The following RBMS3 variants were observed in gnomAD, a reference collection of about 807,000 sequenced individuals.
The protein encoded by RBMS3 is RNA-binding motif, single-stranded-interacting protein 3.
In RBMS3, 27 loss-of-function variants were observed where a neutral mutation model predicts 66.8. That is an observed-to-expected ratio of 0.40 (90% CI 0.30 to 0.56). The LOEUF (loss-of-function observed/expected upper bound fraction) is 0.56. Among genes scored for constraint, RBMS3 ranks in the 20% least tolerant of loss-of-function variants. The pLI is 0.40. For synonymous variants in RBMS3, 188 were observed against 183.0 expected, an observed-to-expected ratio of 1.03 and a Z score of -0.22; for missense variants, 513 against 549.5, an observed-to-expected ratio of 0.93 and a Z score of 0.66.
At chr3:29,317,186 T>A (rs2034733452) in intron 1 of RBMS3, among the ~76,000 whole-genome samples, 1 of 151,758 alleles carries the variant, frequency 6.6e-6, no homozygotes, top group Non-Finnish European at 1.5e-5. Flanking sequence ...TTATTCTTGT[T>A]TAGGAAGCTT....
At chr3:29,438,028 T>TTCTCTCTCTCTCTCTC (rs34431369) in intron 2 of RBMS3, among the ~76,000 whole-genome samples, 1,629 of 142,478 alleles carry the variant, frequency 0.011, 30 homozygotes, top group African/African-American at 0.033. Context: ...CCTTGCTTGT[T>TTCTCTCTCTCTCTCTC]TCTCTCTCTC....
intron 6 of RBMS3, among the ~76,000 whole-genome samples, chr3:29,765,027 T>C (rs1259783941): frequency 6.6e-6 from 1 of 152,044 alleles, no homozygotes. Context: ...TCATCATCAG[T>C]GCTTGAATCT....
intron 7 of RBMS3, among the ~76,000 whole-genome samples, chr3:29,870,791 A>G (rs2059471860): frequency 6.6e-6 from 1 of 152,166 alleles, no homozygotes; most frequent in African/African-American, 2.4e-5. Context: ...TGATCTATGA[A>G]AATCAAGGGA....
chr3:29,349,302 T>C (rs2036767015), intron 1 of RBMS3, among the ~76,000 whole-genome samples: 1 of 152,190 alleles, frequency 6.6e-6, no homozygotes, highest in South Asian at 2.1e-4. Flanking sequence ...TCTATTCCTC[T>C]GTAACCCACA....
chr3:29,477,339 C>G (rs2042981026), intron 2 of RBMS3, among the ~76,000 whole-genome samples: 1 of 152,074 alleles, frequency 6.6e-6, no homozygotes, highest in Non-Finnish European at 1.5e-5. Flanking sequence ...TACTTGACTC[C>G]CATAGCCATC....
At chr3:29,888,623 A>T (rs2059928101) in intron 8 of RBMS3, among the ~76,000 whole-genome samples, 1 of 151,726 alleles carries the variant, frequency 6.6e-6, no homozygotes. Context: ...CTGTGGTTCT[A>T]GCTTACTAGG....
chr3:29,651,840 G>A (rs1052464020), intron 4 of RBMS3, among the ~76,000 whole-genome samples: 1 of 152,048 alleles, frequency 6.6e-6, no homozygotes, highest in African/African-American at 2.4e-5. Context: ...ATACATACAA[G>A]TTGTCATGCA....
chr3:29,899,386 A>C (rs2060199759), intron 9 of RBMS3, among the ~76,000 whole-genome samples: 1 of 151,650 alleles, frequency 6.6e-6, no homozygotes, highest in Admixed American at 6.6e-5. Flanking sequence ...CTGAAAGCTG[A>C]TCTTCAAATG....
At chr3:29,885,148 A>G (rs1414346724) in intron 8 of RBMS3, among the ~76,000 whole-genome samples, 2 of 151,868 alleles carry the variant, frequency 1.3e-5, no homozygotes, top group African/African-American at 2.4e-5. Context: ...TCCCAGGCAC[A>G]ATGCTATGTT....
intron 3 of RBMS3, among the ~76,000 whole-genome samples, chr3:29,562,253 A>G (rs1458107640): frequency 4.6e-5 from 7 of 152,196 alleles, no homozygotes. Flanking sequence ...GCATGAGCAA[A>G]CTGAAGAAAA....
At chr3:29,946,462 C>A (rs1468321303) in intron 12 of RBMS3, among the ~76,000 whole-genome samples, 1 of 151,622 alleles carries the variant, frequency 6.6e-6, no homozygotes, top group Non-Finnish European at 1.5e-5. Context: ...TGAACAACTT[C>A]TGAGTGGTAG....
At chr3:29,451,313 A>C (rs1398968809) in intron 2 of RBMS3, among the ~76,000 whole-genome samples, 2 of 152,212 alleles carry the variant, frequency 1.3e-5, no homozygotes, top group Non-Finnish European at 2.9e-5. Flanking sequence ...GAAAGGGTGT[A>C]GGTGATGGTG....
rs963370541 is a variant in RBMS3 at position 29,992,636 on chromosome 3, A to G, written c.1307+1427A>G. ...GAACTATAGGTATTAAAATTATTGC[A>G]ATAGGGGAAGAGAGAGCATGCTCAG... On this transcript the variant is annotated intron_variant, in intron 14 of 14. Transcript: ENST00000383767. Among the ~76,000 whole-genome samples the G allele has an allele frequency of 3.9e-5, 6 of 152,186 alleles. No individual in the cohort carries two copies. In the East Asian group the frequency reaches 1.2e-3, roughly 29 times the overall value.
At chr3:29,883,602 T>G (rs1255496974) in intron 7 of RBMS3, among the ~76,000 whole-genome samples, 1 of 152,076 alleles carries the variant, frequency 6.6e-6, no homozygotes, top group Non-Finnish European at 1.5e-5. Flanking sequence ...TAGAATTTTC[T>G]TCATATGTAA....
At chr3:29,659,206 AT>A (rs1296963742) in intron 4 of RBMS3, among the ~76,000 whole-genome samples, 1 of 152,132 alleles carries the variant, frequency 6.6e-6, no homozygotes, top group Non-Finnish European at 1.5e-5. Flanking sequence ...TTTTTTTCCA[AT>A]TTTTTATATT....
At chr3:29,840,945 T>A (rs1361272957) in intron 6 of RBMS3, among the ~76,000 whole-genome samples, 1 of 152,002 alleles carries the variant, frequency 6.6e-6, no homozygotes, top group Non-Finnish European at 1.5e-5. Flanking sequence ...AAGAAAAAGA[T>A]TCTGTAAATG....
Position 29,281,104 on chromosome 3 carries a change from G to C in RBMS3, c.-578G>C, listed in dbSNP as rs757508698. ...CTGGGAGGGAGACAGCAGCAACTAA[G>C]CTGTACAAGGTTTTTTTTTTTTTTT... On this transcript the variant is annotated 5_prime_UTR_variant, in exon 1 of 15. Coordinates refer to ENST00000383767, the MANE Select transcript of RBMS3 (RefSeq NM_001003793.3). 1 of 136,322 alleles carries C rather than the reference G, an allele frequency of 7.3e-6. No individual in the cohort carries two copies. The highest frequency in any genetic ancestry group is 1.6e-5 in the Non-Finnish European group (1 of 64,144). The allele number at this position is 136,322 out of a possible 1,614,324, so 8.4% of individuals were successfully genotyped here. A position where few individuals can be genotyped will look rare whatever the true frequency, so the allele number is the denominator to read the frequency against.
intron 6 of RBMS3, among the ~76,000 whole-genome samples, chr3:29,792,427 C>G (rs2149429170): frequency 6.6e-6 from 1 of 152,302 alleles, no homozygotes; most frequent in Non-Finnish European, 1.5e-5. Flanking sequence ...GCTTAATCCT[C>G]TGAAACTCAC....
intron 1 of RBMS3, among the ~76,000 whole-genome samples, chr3:29,424,926 T>C (rs896220597): frequency 3.9e-5 from 6 of 152,174 alleles, no homozygotes; most frequent in Non-Finnish European, 4.4e-5. Flanking sequence ...TAAAGTATTA[T>C]CACTGAATAT....
Sources: allele counts gnomAD v4.1 joint callset (sites outside exome capture counted in the v4.1 genomes callset), GRCh38; gene constraint gnomAD v4.1.1; transcripts MANE v1.5; gene names NCBI Gene and HGNC (gene_info 2026-07-23, HGNC 2026-07-21).